The following ARHGEF28 variants were observed in gnomAD, a reference collection of about 807,000 sequenced individuals.
The protein encoded by ARHGEF28 is 190 kDa guanine nucleotide exchange factor.
In ARHGEF28, 152 loss-of-function variants were observed where a neutral mutation model predicts 206.6. The observed-to-expected ratio is 0.74, with a 90% CI of 0.64 to 0.84. ARHGEF28 has a LOEUF of 0.84. Ranked by LOEUF, ARHGEF28 falls within the 40% of genes least tolerant of loss-of-function variation. The pLI is 0.00. For missense variants in ARHGEF28, 2,028 were observed against 2,073.2 expected (o/e 0.98, Z 0.42); for synonymous variants, 763 against 776.4 (o/e 0.98, Z 0.29).
intron 35 of ARHGEF28, among the ~76,000 whole-genome samples, chr5:73,934,804 C>T (rs969380984): frequency 1.3e-5 from 2 of 152,100 alleles, no homozygotes; most frequent in Non-Finnish European, 2.9e-5. Context: ...CTTGATTTAC[C>T]CGGAATTTCA....
intron 2 of ARHGEF28, among the ~76,000 whole-genome samples, chr5:73,701,689 A>G (rs924560599): frequency 1.2e-4 from 18 of 152,010 alleles, no homozygotes; most frequent in Non-Finnish European, 2.4e-4. Context: ...CAAGAATGTT[A>G]TATATGTGTG....
At position 73,693,772 on chromosome 5, in the gene ARHGEF28, G is replaced by A. The variant is rs149720577; in HGVS notation, c.33+8888G>A. ...CATTGTCAGTTAATCTGTGCTCCCT[G>A]AAGTTGGTTTTCTTTGCTGGCTTTT... On this transcript the variant is annotated intron_variant, in intron 2 of 35. Transcript: ENST00000513042. Among the ~76,000 whole-genome samples, 8 of 152,344 alleles carry A rather than the reference G, an allele frequency of 5.3e-5. No individual in the cohort carries two copies. The East Asian group carries it at 1.5e-3, about 29-fold the overall frequency.
At position 73,671,355 on chromosome 5, in the gene ARHGEF28, C is replaced by T. The variant is rs139727335; in HGVS notation, c.-11-13486C>T. On this transcript the variant is annotated intron_variant, in intron 1 of 35. Coordinates refer to ENST00000513042, the MANE Select transcript of ARHGEF28 (RefSeq NM_001177693.2). ...TTCTCTGGGAGACATTGCCAGATTG[C>T]TACCTTAAACGTTGATAGATTGAAG... is the stretch of plus-strand genomic sequence containing the variant. Among the ~76,000 whole-genome samples the T allele has an allele frequency of 7.4e-3, 1,125 of 152,166 alleles. 8 individuals carry two copies. The highest frequency in any genetic ancestry group is 0.012 in the Non-Finnish European group (839 of 68,008).
chr5:73,800,518 T>C (rs1036464404), intron 9 of ARHGEF28, among the ~76,000 whole-genome samples: 2 of 152,040 alleles, frequency 1.3e-5, no homozygotes, highest in Non-Finnish European at 2.9e-5. Context: ...TTGTTACTAA[T>C]ATGTAAGATG....
chr5:73,676,069 C>CT (rs70973270), intron 1 of ARHGEF28, among the ~76,000 whole-genome samples: 21,638 of 115,034 alleles, frequency 0.19, 2,306 homozygotes, highest in Non-Finnish European at 0.25. Context: ...ATTTTCTTTT[C>CT]TTTTTTTTTT....
At chr5:73,673,716 T>C (rs749481243) in intron 1 of ARHGEF28, among the ~76,000 whole-genome samples, 2 of 151,994 alleles carry the variant, frequency 1.3e-5, no homozygotes, top group African/African-American at 2.4e-5. Flanking sequence ...TAGTTGCAAC[T>C]AGCATTTAGT....
rs200264200 is a variant in ARHGEF28 at position 73,753,135 on chromosome 5, C to T, written c.408C>T (p.Leu136=). The change falls in exon 4 of 36, where the codon CTC becomes CTT. Residue 136 remains leucine (L), a synonymous_variant. Transcript: ENST00000513042. ...CACTGCCTGCCTTGGATGAGGAGCT[C>T]GTGCTGGCTCTGACCCATCTGGAAT... is the stretch of plus-strand genomic sequence containing the variant. ...AGALPALDEE[L]VLALTHLELP... is the part of the protein sequence containing the mutation. 8.4e-5 allele frequency: 133 copies of T among 1,575,602 alleles called. No homozygotes were observed. The highest frequency in any genetic ancestry group is 3.4e-4 in the Middle Eastern group (2 of 5,802).
chr5:73,900,986 G>C lies in ARHGEF28; in HGVS notation c.3974-198G>C, dbSNP rs1005750690. 6.0e-6 allele frequency: 3 copies of C among 497,928 alleles called. No individual in the cohort carries two copies. In the East Asian group the frequency reaches 1.1e-4, roughly 18 times the overall value. The allele number at this position is 497,928 out of a possible 1,614,324, so 30.8% of individuals were successfully genotyped here. A position where few individuals can be genotyped will look rare whatever the true frequency, so the allele number is the denominator to read the frequency against. On this transcript the variant is annotated intron_variant, in intron 30 of 35. Coordinates refer to ENST00000513042, the MANE Select transcript of ARHGEF28 (RefSeq NM_001177693.2). ...GGTTCGTCAGTTGCTGTCTGTTAGC[G>C]TGTAAGCCCCATGTGGGCAGGGACC...
Position 73,858,212 on chromosome 5 carries a change from G to A in ARHGEF28, c.2040G>A (p.Gln680=). The change falls in exon 16 of 36, where the codon CAG becomes CAA. Residue 680 remains glutamine, a synonymous_variant. Coordinates refer to ENST00000513042, the MANE Select transcript of ARHGEF28 (RefSeq NM_001177693.2). ...CACTCCTGGGGAAAGAGTCACTGCA[G>A]TGTTCTAGTAAGTTCTCAGGTCTAT... The part of the protein sequence containing the change: ...DKTLLGKESL[Q]CSNCNANVHK... The A allele has an allele frequency of 6.3e-7, 1 of 1,595,756 alleles. No individual in the cohort carries two copies. Among genetic ancestry groups the A allele is most frequent in the African/African-American group, 1.4e-5 (1 of 74,016 alleles).
chr5:73,794,985 C>G (rs944398948), intron 8 of ARHGEF28, among the ~76,000 whole-genome samples: 1 of 152,164 alleles, frequency 6.6e-6, no homozygotes, highest in African/African-American at 2.4e-5. Flanking sequence ...GTTGTATATG[C>G]AAGATGATTG....
chr5:73,664,137 T>A (rs1745795918), intron 1 of ARHGEF28, among the ~76,000 whole-genome samples: 1 of 152,194 alleles, frequency 6.6e-6, no homozygotes, highest in African/African-American at 2.4e-5. Context: ...CACATTTCCC[T>A]CCTTACTGCT....
intron 9 of ARHGEF28, among the ~76,000 whole-genome samples, chr5:73,807,070 T>A (rs1366773636): frequency 6.7e-6 from 1 of 149,676 alleles, no homozygotes; most frequent in African/African-American, 2.4e-5. Flanking sequence ...TTGGGAAAAT[T>A]GGAATGTAAC....
intron 7 of ARHGEF28, among the ~76,000 whole-genome samples, chr5:73,785,168 T>G (rs1436134652): frequency 6.6e-6 from 1 of 152,230 alleles, no homozygotes; most frequent in Non-Finnish European, 1.5e-5. Flanking sequence ...ATGAAATCCC[T>G]GATGGCAGGG....
At chr5:73,632,264 T>G (rs1743418579) in intron 1 of ARHGEF28, among the ~76,000 whole-genome samples, 1 of 152,124 alleles carries the variant, frequency 6.6e-6, no homozygotes, top group Non-Finnish European at 1.5e-5. Context: ...CCTTCCCAGA[T>G]GTAAATGGGA....
At chr5:73,755,750 G>A (rs1189277040) in intron 4 of ARHGEF28, among the ~76,000 whole-genome samples, 1 of 152,166 alleles carries the variant, frequency 6.6e-6, no homozygotes, top group East Asian at 1.9e-4. Context: ...TAAGTTTGGA[G>A]AACGCTTGAC....
At chr5:73,783,272 T>C (rs1753949027) in intron 7 of ARHGEF28, among the ~76,000 whole-genome samples, 1 of 152,118 alleles carries the variant, frequency 6.6e-6, no homozygotes, top group South Asian at 2.1e-4. Flanking sequence ...AAGGGAATTC[T>C]ACATGCAATA....
At chr5:73,725,006 G>A (rs1197546202) in intron 2 of ARHGEF28, among the ~76,000 whole-genome samples, 1 of 152,092 alleles carries the variant, frequency 6.6e-6, no homozygotes, top group African/African-American at 2.4e-5. Context: ...AATTATAAAA[G>A]TGATGTATGT....
At chr5:73,787,140 A>G (rs973095670) in intron 7 of ARHGEF28, among the ~76,000 whole-genome samples, 2 of 152,232 alleles carry the variant, frequency 1.3e-5, no homozygotes, top group Non-Finnish European at 2.9e-5. Flanking sequence ...TGGTTTAGAT[A>G]TCAAGATATA....
At chr5:73,768,900 A>G (rs1320774968) in intron 4 of ARHGEF28, among the ~76,000 whole-genome samples, 2 of 151,856 alleles carry the variant, frequency 1.3e-5, no homozygotes, top group African/African-American at 2.4e-5. Flanking sequence ...AATTATGGGG[A>G]TGGGTCTTTC....
Sources: allele counts gnomAD v4.1 joint callset (sites outside exome capture counted in the v4.1 genomes callset), GRCh38; gene constraint gnomAD v4.1.1; transcripts MANE v1.5; gene names NCBI Gene and HGNC (gene_info 2026-07-23, HGNC 2026-07-21).